Variants in SERPINA9 observed in about 807,000 individuals in gnomAD.
The protein encoded by SERPINA9 is serpin A9.
Under a neutral mutation model 24.5 loss-of-function variants are expected in SERPINA9, and 32 were observed. The observed-to-expected ratio is 1.30, with a 90% confidence interval of 0.98 to 1.75. The LOEUF is 1.75. SERPINA9 is among the 40% of genes most tolerant of loss of function. The probability of loss-of-function intolerance (pLI) is 0.00; values close to 1 mark genes in which losing one functional copy is unlikely to be tolerated. For synonymous variants in SERPINA9, 233 were observed against 197.7 expected (o/e 1.18, Z -1.50); for missense variants, 594 against 497.1 (o/e 1.19, Z -1.85).
In SERPINA9 at chr14:94,464,797, G is replaced by A. The variant is rs757177056; in HGVS notation, c.960C>T (p.Thr320=). 5.6e-6 allele frequency: 9 copies of A among 1,613,410 alleles called. No homozygotes were observed. Among genetic ancestry groups the A allele is most frequent in the Non-Finnish European group, 6.8e-6 (8 of 1,179,332 alleles). The part of the protein sequence containing the change: ...FSISASYNLE[T]ILPKMGIQNV... ...TTTGGATGCCCATCTTCGGGAGGAT[G>A]GTTTCCAGATTGTAGGAGGCAGAAA... The change falls in exon 4 of 5, where the codon ACC becomes ACT. Residue 320 remains threonine, a synonymous_variant. Transcript: ENST00000674397.
intron 2 of SERPINA9, 115 bp from the exon 3 acceptor site, chr14:94,467,497 C>CA (rs1177867267): frequency 1.1e-5 from 10 of 935,538 alleles, no homozygotes; most frequent in South Asian, 5.4e-5. Context: ...TTTGAGGTGA[C>CA]AAAAAAATGC....
At chr14:94,474,829 C>T (rs1258157879) in intron 1 of SERPINA9, among the ~76,000 whole-genome samples, 1 of 152,120 alleles carries the variant, frequency 6.6e-6, no homozygotes, top group Non-Finnish European at 1.5e-5. Context: ...CACTCACTCC[C>T]ATCTCCAAGC....
At chr14:94,475,378 C>G (rs187885790) in intron 1 of SERPINA9, among the ~76,000 whole-genome samples, 2 of 152,260 alleles carry the variant, frequency 1.3e-5, no homozygotes, top group Non-Finnish European at 1.5e-5. Flanking sequence ...TGGATGCCCA[C>G]CCTGCTACAT....
At chr14:94,465,307 G>A (rs769899458) in intron 3 of SERPINA9, among the ~76,000 whole-genome samples, 19 of 152,158 alleles carry the variant, frequency 1.2e-4, no homozygotes, top group African/African-American at 3.9e-4. Context: ...TCTCCAGTAC[G>A]GTAGCCATTA....
At chr14:94,471,740 C>CCAAGA (rs142274377) in intron 1 of SERPINA9, among the ~76,000 whole-genome samples, 19,387 of 152,088 alleles carry the variant, frequency 0.13, 1,561 homozygotes, top group East Asian at 0.3. Context: ...TGCCCCATCT[C>CCAAGA]TCCCTTTCTC....
At chr14:94,474,674 G>A (rs572800760) in intron 1 of SERPINA9, among the ~76,000 whole-genome samples, 4 of 152,158 alleles carry the variant, frequency 2.6e-5, no homozygotes, top group South Asian at 2.1e-4. Flanking sequence ...CCCTCTTTTG[G>A]CTGTGGCCCG....
At chr14:94,463,468 G>T (rs1331208049) in intron 4 of SERPINA9, among the ~76,000 whole-genome samples, 172 bp from the exon 5 acceptor site, 3 of 152,192 alleles carry the variant, frequency 2.0e-5, no homozygotes, top group Non-Finnish European at 2.9e-5. Flanking sequence ...TGTTGACTAT[G>T]GCCCATTGGT....
chr14:94,464,940 G>A (rs905493609), intron 3 of SERPINA9, 86 bp from the exon 4 acceptor site: 21 of 1,144,588 alleles, frequency 1.8e-5, no homozygotes, highest in East Asian at 1.5e-4. Context: ...GGGAGACTCC[G>A]TTCTTCCTCC....
chr14:94,469,465 T>G lies in SERPINA9; in HGVS notation c.376A>C (p.Lys126Gln). ...HLVHSLTVPS[K>Q]DLTLKMGSAL... ...CTTCCCATCTTCAAGGTCAGGTCTT[T>G]GCTGGGAACAGTCAGTGAGTGAACC... The change falls in exon 2 of 5, where the codon AAA becomes CAA. Residue 126 changes from lysine to glutamine, a missense_variant. Physicochemically the swap from Lys to Gln is moderately conservative, Grantham distance 53. Transcript: ENST00000674397. The G allele has an allele frequency of 6.2e-7, 1 of 1,614,204 alleles. No homozygotes were observed. The highest frequency in any genetic ancestry group is 8.5e-7 in the Non-Finnish European group (1 of 1,180,036).
intron 1 of SERPINA9, chr14:94,475,816 A>T (rs1899603477): frequency 6.3e-5 from 26 of 410,020 alleles, no homozygotes; most frequent in Non-Finnish European, 7.8e-5. Flanking sequence ...CAACAAAAAC[A>T]CTCCTTTCAC....
At chr14:94,474,682 C>T (rs1307318505) in intron 1 of SERPINA9, among the ~76,000 whole-genome samples, 3 of 152,166 alleles carry the variant, frequency 2.0e-5, no homozygotes, top group African/African-American at 7.2e-5. Context: ...TGGCTGTGGC[C>T]CGGGTTTATG....
chr14:94,475,293 A>C (rs1046854498), intron 1 of SERPINA9, among the ~76,000 whole-genome samples: 3 of 152,086 alleles, frequency 2.0e-5, no homozygotes, highest in African/African-American at 7.2e-5. Context: ...CATGTAACTC[A>C]TCAGCTCACT....
At chr14:94,473,950 G>T (rs1899448619) in intron 1 of SERPINA9, among the ~76,000 whole-genome samples, 1 of 152,218 alleles carries the variant, frequency 6.6e-6, no homozygotes, top group African/African-American at 2.4e-5. Context: ...TCTGCAGAAC[G>T]CCCAGTGCGG....
rs61740030 is a variant in SERPINA9 at position 94,469,426 on chromosome 14, T to G, written c.415A>C (p.Lys139Gln). The change falls in exon 2 of 5, where the codon AAG (lysine) becomes CAG (glutamine). Residue 139 changes from lysine to glutamine, a missense_variant. By Grantham distance (53) the Lys-to-Gln change is moderately conservative. Transcript: ENST00000674397. Reference sequence around the variant, plus strand: ...TTTGCCTGCAGCTGCAGCTCCTTCTTGACGAAGAGGGCACTTCCCATCTTC... The same window carrying G: ...TTTGCCTGCAGCTGCAGCTCCTTCTGGACGAAGAGGGCACTTCCCATCTTC... ...TLKMGSALFV[K>Q]KELQLQANFL... 2.6e-4 allele frequency: 417 copies of G among 1,614,170 alleles called. 4 individuals are homozygous for G. In the African/African-American group the frequency reaches 5.0e-3, roughly 19 times the overall value.
chr14:94,463,374 T>C (rs1898836783), intron 4 of SERPINA9, 78 bp from the exon 5 acceptor site: 1 of 1,304,114 alleles, frequency 7.7e-7, no homozygotes, highest in Non-Finnish European at 1.1e-6. Context: ...CTGAGTGCTT[T>C]TGCCCTGGAA....
chr14:94,463,035 T>C lies in SERPINA9; in HGVS notation c.*58A>G. The C allele has an allele frequency of 7.2e-7, 1 of 1,394,702 alleles. No individual in the cohort carries two copies. The highest frequency in any genetic ancestry group is 1.0e-6 in the Non-Finnish European group (1 of 980,114). 86.4% of individuals were successfully genotyped at this position (1,394,702 alleles called of 1,614,324 possible). ...CACCCTCAGAACAGAAAGAGGGATG[T>C]GGTTTGTTATTTCTTGTGCATTAGC... On this transcript the variant is annotated 3_prime_UTR_variant, in exon 5 of 5. Coordinates refer to ENST00000674397, the MANE Select transcript of SERPINA9 (RefSeq NM_175739.4).
rs1898799085 is a variant in SERPINA9 at position 94,462,762 on chromosome 14, T to C, written c.*331A>G. On this transcript the variant is annotated 3_prime_UTR_variant, in exon 5 of 5. Transcript: ENST00000674397. ...TATTTTAGTTTTATTGAATGTGTTA[T>C]TGTAATTCTGCAATAGAGGTGCCTA... The C allele has an allele frequency of 6.5e-6, 2 of 306,272 alleles. No individual in the cohort carries two copies. The allele number at this position is 306,272 out of a possible 1,614,324, so 19.0% of individuals were successfully genotyped here.
Position 94,462,747 on chromosome 14 carries a change from T to C in SERPINA9, c.*346A>G, listed in dbSNP as rs985566594. 3.9e-6 allele frequency: 1 copy of C among 257,674 alleles called. No homozygotes were observed. The highest frequency in any genetic ancestry group is 7.5e-6 in the Non-Finnish European group (1 of 132,912). 16.0% of individuals were successfully genotyped at this position (257,674 alleles called of 1,614,324 possible). A position where few individuals can be genotyped will look rare whatever the true frequency, so the allele number is the denominator to read the frequency against. On this transcript the variant is annotated 3_prime_UTR_variant, in exon 5 of 5. Transcript: ENST00000674397. ...TGACAGATGAATTCATATTTTAGTT[T>C]TATTGAATGTGTTATTGTAATTCTG...
intron 1 of SERPINA9, among the ~76,000 whole-genome samples, chr14:94,474,776 C>T (rs541911650): frequency 6.6e-6 from 1 of 152,248 alleles, no homozygotes; most frequent in Non-Finnish European, 1.5e-5. Context: ...TGGACCTCTC[C>T]CTCCCAGCTA....
Sources: gnomAD v4.1 joint callset for allele counts (sites outside exome capture counted in the v4.1 genomes callset) on GRCh38, gnomAD v4.1.1 for gene constraint, MANE v1.5 for transcripts, NCBI Gene and HGNC (gene_info 2026-07-23, HGNC 2026-07-21) for gene names.